The following RGS6 variants were observed in gnomAD, a reference collection of about 807,000 sequenced individuals.
The protein encoded by RGS6 is regulator of G protein signaling 6, also known as regulator of G-protein signaling 6.
RGS6 carries 30 observed loss-of-function variants against 78.5 expected under a neutral mutation model. That is an observed-to-expected ratio of 0.38 (90% CI 0.29 to 0.52). The LOEUF (loss-of-function observed/expected upper bound fraction) is 0.52, where lower values mean the gene tolerates loss of function less well. RGS6 is among the 20% of genes least tolerant of loss of function. The pLI is 0.85. For missense variants in RGS6, 495 were observed against 609.7 expected (o/e 0.81, Z 1.98); for synonymous variants, 206 against 206.0 (o/e 1.00, Z 0.00).
At chr14:72,510,006 G>A (rs2096859199) in intron 13 of RGS6, 148 bp from the exon 14 acceptor site, 2 of 891,004 alleles carry the variant, frequency 2.2e-6, no homozygotes, top group Non-Finnish European at 3.4e-6. Context: ...TTTGGAATTT[G>A]TGCAGCTTTT....
intron 17 of RGS6, among the ~76,000 whole-genome samples, chr14:72,560,807 T>G (rs2097663995): frequency 7.8e-6 from 1 of 127,506 alleles, no homozygotes; most frequent in Non-Finnish European, 1.5e-5. Flanking sequence ...CGTGTGTGTG[T>G]GTGTGTGTGT....
At chr14:72,319,426 T>G (rs2152503841) in intron 2 of RGS6, among the ~76,000 whole-genome samples, 1 of 151,534 alleles carries the variant, frequency 6.6e-6, no homozygotes, top group Non-Finnish European at 1.5e-5. Flanking sequence ...CTCGGCTCAC[T>G]GCAACCTCCA....
intron 2 of RGS6, among the ~76,000 whole-genome samples, chr14:72,063,239 G>C (rs532826930): frequency 4.6e-5 from 7 of 152,272 alleles, no homozygotes; most frequent in African/African-American, 1.7e-4. Flanking sequence ...CAGTAAAGGG[G>C]ACCGAAAAGG....
At chr14:72,303,943 C>G (rs1055557858) in intron 2 of RGS6, among the ~76,000 whole-genome samples, 1 of 152,154 alleles carries the variant, frequency 6.6e-6, no homozygotes, top group African/African-American at 2.4e-5. Flanking sequence ...ACCAGATATT[C>G]CCCCCAACCT....
intron 2 of RGS6, among the ~76,000 whole-genome samples, chr14:72,335,245 T>C (rs999490210): frequency 1.3e-5 from 2 of 152,166 alleles, no homozygotes; most frequent in African/African-American, 4.8e-5. Flanking sequence ...GAGAACAGAC[T>C]AATACAGCCC....
chr14:72,158,411 G>A lies in RGS6; in HGVS notation c.84+193536G>A, dbSNP rs115118260. Among the ~76,000 whole-genome samples the A allele has an allele frequency of 3.0e-3, 450 of 152,314 alleles. 2 individuals are homozygous for A. The highest frequency in any genetic ancestry group is 0.01 in the African/African-American group (434 of 41,568). On this transcript the variant is annotated intron_variant, in intron 2 of 17. Coordinates refer to ENST00000553525, the MANE Select transcript of RGS6 (RefSeq NM_001204424.2). ...ATCCTGTCTCCAAAGATGGTCATAT[G>A]TGAGATACTGGGGTTAGGACTTCCA...
intron 2 of RGS6, among the ~76,000 whole-genome samples, chr14:72,128,005 CTT>C (rs1315544575): frequency 6.6e-6 from 1 of 152,148 alleles, no homozygotes; most frequent in Non-Finnish European, 1.5e-5. Flanking sequence ...GGGCTTGTTC[CTT>C]TTTATTACTG....
At chr14:72,101,356 C>G (rs1041467474) in intron 2 of RGS6, among the ~76,000 whole-genome samples, 1 of 152,186 alleles carries the variant, frequency 6.6e-6, no homozygotes, top group African/African-American at 2.4e-5. Flanking sequence ...CCATGAAACT[C>G]AAAAGTAAGC....
At chr14:72,574,606 G>A in the RGS6 span, among the ~76,000 whole-genome samples, 1 of 152,238 alleles carries the variant, frequency 6.6e-6, no homozygotes, top group East Asian at 1.9e-4. Flanking sequence ...AGTGAAAGTG[G>A]TTCTTGTCCT....
At chr14:72,174,978 A>G (rs1205481255) in intron 2 of RGS6, among the ~76,000 whole-genome samples, 2 of 152,216 alleles carry the variant, frequency 1.3e-5, no homozygotes, top group Non-Finnish European at 2.9e-5. Flanking sequence ...CTGAGCGTCC[A>G]GGTCCCAGAC....
chr14:72,228,351 A>G (rs983320975), intron 2 of RGS6, among the ~76,000 whole-genome samples: 7 of 152,254 alleles, frequency 4.6e-5, no homozygotes, highest in African/African-American at 1.7e-4. Context: ...ACTGCACTCC[A>G]GCCTGAGCAA....
At chr14:72,216,187 A>C (rs1490801772) in intron 2 of RGS6, among the ~76,000 whole-genome samples, 1 of 152,188 alleles carries the variant, frequency 6.6e-6, no homozygotes, top group African/African-American at 2.4e-5. Flanking sequence ...AGTTTGTTTC[A>C]TGGAGGTAGC....
chr14:72,521,941 G>A (rs915456880), intron 15 of RGS6, among the ~76,000 whole-genome samples: 4 of 152,178 alleles, frequency 2.6e-5, no homozygotes, highest in Non-Finnish European at 5.9e-5. Context: ...TTAAGCCGTA[G>A]TGTTTAATGT....
downstream of RGS6, among the ~76,000 whole-genome samples, chr14:72,567,905 T>C (rs2097715624): frequency 6.6e-6 from 1 of 152,236 alleles, no homozygotes; most frequent in Admixed American, 6.5e-5. Context: ...CCGTTCCCTG[T>C]ACACAGCCCT....
At chr14:72,580,309 C>CCCCCCT in the RGS6 span, among the ~76,000 whole-genome samples, 1 of 143,720 alleles carries the variant, frequency 7.0e-6, no homozygotes, top group African/African-American at 2.7e-5. Flanking sequence ...CAAAAATGTC[C>CCCCCCT]CCCCCACCCC....
intron 2 of RGS6, among the ~76,000 whole-genome samples, chr14:72,226,492 C>T (rs189418743): frequency 3.4e-4 from 52 of 152,286 alleles, no homozygotes; most frequent in African/African-American, 1.1e-3. Flanking sequence ...TTAGCTATGG[C>T]TTGATATATC....
intron 3 of RGS6, among the ~76,000 whole-genome samples, chr14:72,445,020 C>T (rs1311777352): frequency 6.6e-6 from 1 of 152,158 alleles, no homozygotes; most frequent in Non-Finnish European, 1.5e-5. Context: ...TGGGAGGGGG[C>T]CAGTGAGTGT....
At chr14:72,274,416 G>A (rs929750860) in intron 2 of RGS6, among the ~76,000 whole-genome samples, 27 of 152,132 alleles carry the variant, frequency 1.8e-4, no homozygotes, top group African/African-American at 5.6e-4. Flanking sequence ...AGCTCAACCC[G>A]CACCTCTGGC....
chr14:72,284,820 G>A (rs938351164), intron 2 of RGS6, among the ~76,000 whole-genome samples: 6 of 152,206 alleles, frequency 3.9e-5, no homozygotes, highest in African/African-American at 1.2e-4. Flanking sequence ...CTGGGAGGTA[G>A]GCTGTACCCT....
Sources: gnomAD v4.1 joint callset for allele counts (sites outside exome capture counted in the v4.1 genomes callset) on GRCh38, gnomAD v4.1.1 for gene constraint, MANE v1.5 for transcripts, NCBI Gene and HGNC (gene_info 2026-07-23, HGNC 2026-07-21) for gene names.